The following DUSP22 variants were observed in gnomAD, a reference collection of about 807,000 sequenced individuals.
The protein encoded by DUSP22 is dual specificity protein phosphatase 22.
A neutral mutation model predicts 24.5 loss-of-function variants in DUSP22; 24 were observed. That is an observed-to-expected ratio of 0.98 (90% CI 0.71 to 1.38). The LOEUF (loss-of-function observed/expected upper bound fraction) is 1.38. Among genes scored for constraint, DUSP22 ranks in the 40% most tolerant of loss-of-function variants. The probability of loss-of-function intolerance (pLI) is 0.00; values close to 1 mark genes in which losing one functional copy is unlikely to be tolerated. For missense variants in DUSP22, 330 were observed against 269.2 expected, an observed-to-expected ratio of 1.23 and a Z score of -1.58; for synonymous variants, 160 against 106.4, an observed-to-expected ratio of 1.50 and a Z score of -3.10.
rs1223423550 is a variant in DUSP22, at chr6:292,559, A to G, written c.20A>G (p.Lys7Arg). The G allele has an allele frequency of 6.2e-7, 1 of 1,602,148 alleles. No individual in the cohort carries two copies. The highest frequency in any genetic ancestry group is 8.5e-7 in the Non-Finnish European group (1 of 1,174,560). Residue 7 changes from lysine (K) to arginine (R), a missense_variant and splice_region_variant, in exon 1 of 7, where the codon AAG (lysine) becomes AGG (arginine). Physicochemically the swap from Lys to Arg is conservative, Grantham distance 26. Transcript: ENST00000419235. MGNGMNKILPGLYIGNF... is the reference protein window; with the variant it reads MGNGMNRILPGLYIGNF... ...GCCACCATGGGGAATGGGATGAACA[A>G]GGTAACGTCTTCCCTCGTTCGCGCT...
At chr6:310,256 C>T (rs537307780) in intron 2 of DUSP22, among the ~76,000 whole-genome samples, 420 of 152,260 alleles carry the variant, frequency 2.8e-3, no homozygotes, top group African/African-American at 9.3e-3. Flanking sequence ...TCACCATGCC[C>T]GGCCTAAACA....
At chr6:342,537 A>G (rs79534852) in intron 4 of DUSP22, among the ~76,000 whole-genome samples, 4,113 of 151,312 alleles carry the variant, frequency 0.027, 4 homozygotes, top group East Asian at 0.1. Flanking sequence ...AGCAGTCTGG[A>G]GCCACTTCTG....
intron 3 of DUSP22, among the ~76,000 whole-genome samples, chr6:328,091 A>G (rs572748136): frequency 1.3e-5 from 2 of 152,418 alleles, no homozygotes; most frequent in East Asian, 3.9e-4. Flanking sequence ...CACTCCTAGA[A>G]TATCTGCTGC....
chr6:349,763 G>A lies in DUSP22; in HGVS notation c.*812G>A. 1 of 985,958 alleles carries A rather than the reference G, an allele frequency of 1.0e-6. No homozygotes were observed. Among genetic ancestry groups the A allele is most frequent in the Non-Finnish European group, 1.2e-6 (1 of 830,264 alleles). 61.1% of individuals were successfully genotyped at this position (985,958 alleles called of 1,614,324 possible). ...GGGTTCCCTAGCGCCTTGAGTCAAG[G>A]CCACTTTTCAGCCCATCGAGCCCTG... On this transcript the variant is annotated 3_prime_UTR_variant, in exon 7 of 7. Transcript: ENST00000419235.
chr6:336,418 C>T (rs1187100023), intron 4 of DUSP22, among the ~76,000 whole-genome samples: 1 of 152,304 alleles, frequency 6.6e-6, no homozygotes, highest in Non-Finnish European at 1.5e-5. Context: ...CCATGTGCCC[C>T]AATGTTCAGG....
rs902795091 is a variant in DUSP22, at chr6:350,735, T to A, written c.*1784T>A. 4.1e-4 allele frequency: 667 copies of A among 1,611,514 alleles called. No individual in the cohort carries two copies. The highest frequency in any genetic ancestry group is 4.5e-4 in the Non-Finnish European group (528 of 1,178,780). ...GATATAGCTTGAATGCTTAAATATG[T>A]GCACCTTTACAAACCTCTCAGTGTA... On this transcript the variant is annotated 3_prime_UTR_variant, in exon 7 of 7. Transcript: ENST00000419235.
At chr6:334,445 C>CA (rs1434093953) in intron 3 of DUSP22, among the ~76,000 whole-genome samples, 1 of 152,256 alleles carries the variant, frequency 6.6e-6, no homozygotes, top group East Asian at 1.9e-4. Flanking sequence ...CCTGTTGTAG[C>CA]ATGGATTTAC....
chr6:329,267 T>C (rs1322699740), intron 3 of DUSP22, among the ~76,000 whole-genome samples: 2 of 152,312 alleles, frequency 1.3e-5, no homozygotes, highest in African/African-American at 4.8e-5. Flanking sequence ...AGCAGTCAGA[T>C]TCATAGAGAT....
At chr6:341,717 C>A (rs1759617101) in intron 4 of DUSP22, among the ~76,000 whole-genome samples, 1 of 152,310 alleles carries the variant, frequency 6.6e-6, no homozygotes, top group African/African-American at 2.4e-5. Flanking sequence ...AGGCCCCCAA[C>A]ATGGTGGTGG....
intron 3 of DUSP22, among the ~76,000 whole-genome samples, chr6:327,339 A>T (rs1467474310): frequency 1.3e-5 from 2 of 152,308 alleles, no homozygotes; most frequent in African/African-American, 2.4e-5. Context: ...AGGAGAGTGA[A>T]GGTGGAGGCC....
At chr6:309,593 T>C (rs1757972556) in intron 2 of DUSP22, among the ~76,000 whole-genome samples, 1 of 152,278 alleles carries the variant, frequency 6.6e-6, no homozygotes, top group Non-Finnish European at 1.5e-5. Context: ...TTGTTAGAGA[T>C]GGAGATTCCT....
At chr6:326,767 G>T (rs1466136663) in intron 3 of DUSP22, among the ~76,000 whole-genome samples, 13 of 152,302 alleles carry the variant, frequency 8.5e-5, no homozygotes, top group African/African-American at 3.1e-4. Context: ...CTGTGTTCAA[G>T]GGAAATCCTT....
intron 1 of DUSP22, among the ~76,000 whole-genome samples, chr6:298,881 C>CGAAAGGAAG (rs1554097827): frequency 1.3e-5 from 2 of 151,940 alleles, no homozygotes; most frequent in East Asian, 3.9e-4. Flanking sequence ...AAGATCAGTC[C>CGAAAGGAAG]GAAAGTAAGG....
chr6:331,597 A>G lies in DUSP22; in HGVS notation c.139-3517A>G, dbSNP rs1168732287. On this transcript the variant is annotated intron_variant, in intron 3 of 6. Coordinates refer to ENST00000419235, the MANE Select transcript of DUSP22 (RefSeq NM_001286555.3). The stretch of plus-strand genomic sequence containing the variant: ...TCACATTAAAACATTTGCAGAACTT[A>G]TTCATTAGTACTAGGATACTTTTAA... Among the ~76,000 whole-genome samples the G allele has an allele frequency of 2.6e-5, 4 of 152,422 alleles. No individual in the cohort carries two copies. In the East Asian group the frequency reaches 7.7e-4, roughly 29 times the overall value.
intron 2 of DUSP22, among the ~76,000 whole-genome samples, chr6:307,054 C>T (rs1757841884): frequency 6.6e-6 from 1 of 152,312 alleles, no homozygotes; most frequent in Non-Finnish European, 1.5e-5. Context: ...AGCTGGGTGG[C>T]ATTGGCTGGC....
At chr6:305,802 GCCAGA>G (rs1757793574) in intron 2 of DUSP22, among the ~76,000 whole-genome samples, 2 of 152,308 alleles carry the variant, frequency 1.3e-5, no homozygotes, top group Non-Finnish European at 2.9e-5. Context: ...GTTGGACAGA[GCCAGA>G]CCATGTCATA....
rs908347310 is a variant in DUSP22, at chr6:329,816, G to A, written c.139-5298G>A. On this transcript the variant is annotated intron_variant, in intron 3 of 6. Coordinates refer to ENST00000419235, the MANE Select transcript of DUSP22 (RefSeq NM_001286555.3). The stretch of plus-strand genomic sequence containing the variant: ...TATAGAGAGAGGCTGTCTCCAATGA[G>A]AGAGTCTTCTGCTGTGTGTGTTTCT... Among the ~76,000 whole-genome samples, 5 of 152,418 alleles carry A rather than the reference G, an allele frequency of 3.3e-5. No individual in the cohort carries two copies. In the East Asian group the frequency reaches 9.6e-4, roughly 29 times the overall value.
chr6:340,581 T>C (rs182070464), intron 4 of DUSP22, among the ~76,000 whole-genome samples: 105 of 152,390 alleles, frequency 6.9e-4, no homozygotes, highest in Non-Finnish European at 1.3e-3. Flanking sequence ...TATAAAAATA[T>C]AGATTTCTTA....
At chr6:294,989 G>T (rs1183940983) in intron 1 of DUSP22, among the ~76,000 whole-genome samples, 1 of 152,290 alleles carries the variant, frequency 6.6e-6, no homozygotes, top group Non-Finnish European at 1.5e-5. Context: ...TTCATTAGTG[G>T]CAAAGTAGAT....
Sources: allele counts gnomAD v4.1 joint callset (sites outside exome capture counted in the v4.1 genomes callset), GRCh38; gene constraint gnomAD v4.1.1; transcripts MANE v1.5; gene names NCBI Gene and HGNC (gene_info 2026-07-23, HGNC 2026-07-21).